Variants in MAF observed in about 807,000 individuals in gnomAD.
MAF encodes the protein transcription factor Maf.
A neutral mutation model predicts 22.0 loss-of-function variants in MAF; 10 were observed. The observed-to-expected ratio is 0.45, with a 90% confidence interval of 0.28 to 0.77. The LOEUF (loss-of-function observed/expected upper bound fraction) is 0.77. MAF is among the 30% of genes least tolerant of loss of function. The pLI is 0.12. For synonymous variants in MAF, 337 were observed against 255.8 expected (o/e 1.32, Z -3.03); for missense variants, 544 against 548.4 (o/e 0.99, Z 0.08).
chr16:79,282,853 A>T, the MAF span, among the ~76,000 whole-genome samples: 1 of 152,192 alleles, frequency 6.6e-6, no homozygotes, highest in African/African-American at 2.4e-5. Context: ...CTCAGGGTGG[A>T]CTGTGGGCTG....
At chr16:79,556,834 A>T in the MAF span, among the ~76,000 whole-genome samples, 1 of 152,298 alleles carries the variant, frequency 6.6e-6, no homozygotes, top group Admixed American at 6.5e-5. Flanking sequence ...TAATAACCAC[A>T]CCATAGAGTC....
the MAF span, among the ~76,000 whole-genome samples, chr16:79,227,362 CAAACA>C: frequency 2.6e-5 from 4 of 151,998 alleles, no homozygotes; most frequent in Non-Finnish European, 4.4e-5. Flanking sequence ...CACAAACAAA[CAAACA>C]AAACAAAACA....
the MAF span, among the ~76,000 whole-genome samples, chr16:79,278,103 T>A: frequency 6.6e-6 from 1 of 152,184 alleles, no homozygotes; most frequent in Non-Finnish European, 1.5e-5. Context: ...TTTGCTTCTT[T>A]CCTTTCAACA....
chr16:79,551,926 G>C, the MAF span, among the ~76,000 whole-genome samples: 5 of 152,022 alleles, frequency 3.3e-5, no homozygotes, highest in African/African-American at 9.7e-5. Flanking sequence ...GGCATTAGAG[G>C]ACTGGGCCTG....
chr16:79,249,418 C>CAAA, the MAF span, among the ~76,000 whole-genome samples: 1 of 102,454 alleles, frequency 9.8e-6, no homozygotes, highest in African/African-American at 3.9e-5. Flanking sequence ...AACTCCGTTT[C>CAAA]AAAAAAAAAA....
chr16:79,392,269 G>A, the MAF span, among the ~76,000 whole-genome samples: 9 of 148,300 alleles, frequency 6.1e-5, no homozygotes, highest in South Asian at 6.6e-4. Context: ...AGTAGAAGGA[G>A]GAGGAGAGAA....
At chr16:79,373,822 C>T in the MAF span, among the ~76,000 whole-genome samples, 1 of 152,200 alleles carries the variant, frequency 6.6e-6, no homozygotes, top group Non-Finnish European at 1.5e-5. Context: ...CCTTGGACTT[C>T]TCAGCCTTCA....
chr16:79,554,088 C>CAAA, the MAF span, among the ~76,000 whole-genome samples: 5 of 126,998 alleles, frequency 3.9e-5, no homozygotes, highest in African/African-American at 1.4e-4. Context: ...GACTGCCTCT[C>CAAA]AAAAACAAAC....
At chr16:79,298,705 A>C in the MAF span, among the ~76,000 whole-genome samples, 1 of 152,196 alleles carries the variant, frequency 6.6e-6, no homozygotes, top group African/African-American at 2.4e-5. Context: ...AGCTGGGCGT[A>C]ATACAGGAAG....
At chr16:79,434,897 G>C in the MAF span, among the ~76,000 whole-genome samples, 1 of 152,114 alleles carries the variant, frequency 6.6e-6, no homozygotes. Context: ...CGAGGTACTG[G>C]ATGCTTCATT....
the MAF span, among the ~76,000 whole-genome samples, chr16:79,405,988 G>A: frequency 6.6e-6 from 1 of 152,178 alleles, no homozygotes; most frequent in African/African-American, 2.4e-5. Context: ...CTGTTCATGG[G>A]TGTAGCAGGC....
At chr16:79,537,593 T>C in the MAF span, among the ~76,000 whole-genome samples, 1 of 152,200 alleles carries the variant, frequency 6.6e-6, no homozygotes, top group Non-Finnish European at 1.5e-5. Flanking sequence ...TTCCGCTCTG[T>C]GGCTCTTTAC....
chr16:79,578,311 G>C, the MAF span, among the ~76,000 whole-genome samples: 1 of 151,608 alleles, frequency 6.6e-6, no homozygotes, highest in South Asian at 2.1e-4. Context: ...TTATACCAGG[G>C]ACCCATTTTG....
the MAF span, among the ~76,000 whole-genome samples, chr16:79,229,724 G>C: frequency 4.6e-5 from 7 of 151,984 alleles, no homozygotes; most frequent in East Asian, 3.9e-4. Context: ...GGAGTGCACC[G>C]AGCAAAGCGC....
At chr16:79,359,659 T>C in the MAF span, among the ~76,000 whole-genome samples, 6 of 152,344 alleles carry the variant, frequency 3.9e-5, 1 homozygote, top group African/African-American at 1.4e-4. Context: ...TCTGATTTTT[T>C]TGATTAACAA....
chr16:79,598,301 A>G, intron 1 of MAF: 1 of 1,094,542 alleles, frequency 9.1e-7, no homozygotes. Flanking sequence ...ACACACACAC[A>G]CACAGAAAAT....
chr16:79,224,749 C>CTCCTATTCA, the MAF span, among the ~76,000 whole-genome samples: 1 of 152,148 alleles, frequency 6.6e-6, no homozygotes, highest in African/African-American at 2.4e-5. Context: ...CATGAGTGAA[C>CTCCTATTCA]TCCTATTCAC....
chr16:79,323,388 T>C, the MAF span, among the ~76,000 whole-genome samples: 5 of 151,918 alleles, frequency 3.3e-5, no homozygotes, highest in Non-Finnish European at 7.4e-5. Context: ...TTATTATGGG[T>C]TGTTTTTCAT....
At chr16:79,586,694 G>C (rs1567557357) in intron 1 of MAF, among the ~76,000 whole-genome samples, 1 of 152,158 alleles carries the variant, frequency 6.6e-6, no homozygotes, top group Non-Finnish European at 1.5e-5. Flanking sequence ...AATGTAAGTG[G>C]CAAAATAATT....
Sources: allele counts gnomAD v4.1 joint callset (sites outside exome capture counted in the v4.1 genomes callset), GRCh38; gene constraint gnomAD v4.1.1; transcripts MANE v1.5; gene names NCBI Gene and HGNC (gene_info 2026-07-23, HGNC 2026-07-21).